The following EML1 variants were observed in gnomAD, a reference collection of about 807,000 sequenced individuals.
The protein encoded by EML1 is EMAP like 1, also known as echinoderm microtubule-associated protein-like 1.
In EML1, 27 loss-of-function variants were observed where a neutral mutation model predicts 110.4. That is an observed-to-expected ratio of 0.24 (90% CI 0.18 to 0.34). The LOEUF is 0.34. Among genes scored for constraint, EML1 ranks in the 10% least tolerant of loss-of-function variants. The pLI, the probability that EML1 is intolerant of heterozygous loss-of-function variation, is 1.00. For synonymous variants in EML1, 344 were observed against 385.8 expected (o/e 0.89, Z 1.27); for missense variants, 741 against 1,030.9 (o/e 0.72, Z 3.85).
chr14:99,793,402 G>C, upstream of EML1: 21 of 1,004,298 alleles, frequency 2.1e-5, no homozygotes, highest in Non-Finnish European at 2.3e-5. Flanking sequence ...GGTCGCGGTC[G>C]GGCTCAGCTC....
At chr14:99,847,867 T>C (rs1566895794) in intron 1 of EML1, among the ~76,000 whole-genome samples, 2 of 152,182 alleles carry the variant, frequency 1.3e-5, no homozygotes, top group South Asian at 2.1e-4. Context: ...TCCATTCATA[T>C]ACTTTCAATC....
At chr14:99,931,960 C>T (rs1372943795) in intron 17 of EML1, among the ~76,000 whole-genome samples, 1 of 152,172 alleles carries the variant, frequency 6.6e-6, no homozygotes, top group Non-Finnish European at 1.5e-5. Flanking sequence ...GGCTGGGAGG[C>T]ACCTCCTCTG....
intron 4 of EML1, among the ~76,000 whole-genome samples, chr14:99,885,187 G>T (rs891557635): frequency 6.6e-6 from 1 of 152,218 alleles, no homozygotes. Context: ...ATACGATCAG[G>T]CATCACTTAA....
chr14:99,827,306 G>A lies in EML1; in HGVS notation c.68-23547G>A, dbSNP rs777310150. 5.3e-5 allele frequency among the ~76,000 whole-genome samples: 8 copies of A among 149,688 alleles called. No homozygotes were observed. The highest frequency in any genetic ancestry group is 4.1e-4 in the East Asian group (2 of 4,870). On this transcript the variant is annotated intron_variant, in intron 1 of 21. Transcript: ENST00000262233. The surrounding 1 kb of genome is among the most constrained non-coding windows in gnomAD (Gnocchi z 4.4). ...GAGAGAGGCCTCAGAAGAAACTAGC[G>A]TAACTGGACCTTGCCGGTTTTGAGT...
At chr14:99,743,497 G>A (rs575722060) in intron 1 of EML1, among the ~76,000 whole-genome samples, 2 of 152,266 alleles carry the variant, frequency 1.3e-5, no homozygotes, top group East Asian at 1.9e-4. Context: ...AGTACTGTGC[G>A]ATCCAGGACA....
At chr14:99,826,791 G>A (rs539142711) in intron 1 of EML1, among the ~76,000 whole-genome samples, 1 of 152,262 alleles carries the variant, frequency 6.6e-6, no homozygotes, top group East Asian at 1.9e-4. Flanking sequence ...TGTTATAAAT[G>A]TGATTAAGTC....
At position 99,787,561 on chromosome 14, in the gene EML1, G is replaced by A. The variant is rs147768129; in HGVS notation, c.-27+13548G>A. On this transcript the variant is annotated intron_variant, in intron 1 of 22. Coordinates refer to the EML1 transcript ENST00000327921. ...CCCAAAGTGCTGGTATTCCAGGCGTGAGCCACCACACCCAGATTGACTCTG... is the reference window on the plus strand; with the variant it reads ...CCCAAAGTGCTGGTATTCCAGGCGTAAGCCACCACACCCAGATTGACTCTG... 4.3e-4 allele frequency among the ~76,000 whole-genome samples: 66 copies of A among 152,194 alleles called. No individual in the cohort carries two copies. The South Asian group carries it at 8.1e-3, about 19-fold the overall frequency.
At chr14:99,875,057 T>C in intron 3 of EML1, 1 of 1,493,414 alleles carries the variant, frequency 6.7e-7, no homozygotes, top group Non-Finnish European at 9.3e-7. Context: ...TGTTTTAACG[T>C]AGTAGCTTCA....
chr14:99,783,794 C>A (rs957769340), intron 1 of EML1, among the ~76,000 whole-genome samples: 2 of 152,154 alleles, frequency 1.3e-5, no homozygotes, highest in Middle Eastern at 3.2e-3. Context: ...CAAAGGGGTA[C>A]TATTAATGAG....
chr14:99,889,061 A>G (rs1292656013), intron 4 of EML1, among the ~76,000 whole-genome samples: 1 of 152,198 alleles, frequency 6.6e-6, no homozygotes, highest in Non-Finnish European at 1.5e-5. Context: ...GAAAGCCGAG[A>G]GACGTTCTCC....
At chr14:99,802,634 GC>G (rs2057902339) in intron 1 of EML1, among the ~76,000 whole-genome samples, 1 of 152,132 alleles carries the variant, frequency 6.6e-6, no homozygotes, top group South Asian at 2.1e-4. Context: ...AGGCCAGGGG[GC>G]CTGTGCAGAG....
At chr14:99,738,853 C>T (rs1399895306) in intron 1 of EML1, among the ~76,000 whole-genome samples, 2 of 152,134 alleles carry the variant, frequency 1.3e-5, no homozygotes, top group South Asian at 4.1e-4. Context: ...TCCAGCAGGG[C>T]CTCCTTCGTA....
At chr14:99,761,609 C>T (rs2057314596) in intron 1 of EML1, among the ~76,000 whole-genome samples, 1 of 152,084 alleles carries the variant, frequency 6.6e-6, no homozygotes, top group South Asian at 2.1e-4. Flanking sequence ...TCAAAATGAT[C>T]TCCCCTGGGC....
chr14:99,865,578 G>T lies in EML1; in HGVS notation c.315G>T (p.Lys105Asn). 6.2e-7 allele frequency: 1 copy of T among 1,614,210 alleles called. No individual in the cohort carries two copies. ...TTVNNGTVLP[K>N]KPTGSLPSPS... ...TCAACAATGGCACTGTGTTACCAAAGAAACCTACTGGCTCTCTACCATCCC... is the reference window on the plus strand; with the variant it reads ...TCAACAATGGCACTGTGTTACCAAATAAACCTACTGGCTCTCTACCATCCC... The change falls in exon 3 of 22, where the codon AAG becomes AAT. Residue 105 changes from lysine (K) to asparagine (N), a missense_variant. Lys to Asn is a moderately conservative substitution (Grantham distance 94, BLOSUM62 0). This residue lies in a region of EML1 where 226 missense variants were observed against 255.6 expected (regional missense o/e 0.88). Transcript: ENST00000262233.
intron 1 of EML1, among the ~76,000 whole-genome samples, chr14:99,749,121 C>T (rs2057146682): frequency 6.6e-6 from 1 of 152,236 alleles, no homozygotes; most frequent in Admixed American, 6.5e-5. Flanking sequence ...GCTATGAACA[C>T]TCGTGTACCA....
At chr14:99,798,377 A>G (rs1371720662) in intron 1 of EML1, among the ~76,000 whole-genome samples, 1 of 146,506 alleles carries the variant, frequency 6.8e-6, no homozygotes, top group Non-Finnish European at 1.5e-5. Context: ...CACCTCCCTT[A>G]TTCCAAAGTC....
chr14:99,815,515 T>C (rs2058153145), intron 1 of EML1, among the ~76,000 whole-genome samples: 3 of 152,164 alleles, frequency 2.0e-5, no homozygotes, highest in South Asian at 2.1e-4. Context: ...ATGACTAACA[T>C]TGATTTATTT....
chr14:99,799,884 T>A (rs1167713991), intron 1 of EML1, among the ~76,000 whole-genome samples: 1 of 152,194 alleles, frequency 6.6e-6, no homozygotes, highest in Non-Finnish European at 1.5e-5. Context: ...TCATCATGGA[T>A]AACATTGAAA....
intron 1 of EML1, among the ~76,000 whole-genome samples, chr14:99,741,211 C>A (rs961495879): frequency 6.6e-6 from 1 of 152,186 alleles, no homozygotes; most frequent in Non-Finnish European, 1.5e-5. Context: ...AGGCCTCTAA[C>A]CTGCAGAAGT....
Sources: allele counts gnomAD v4.1 joint callset (sites outside exome capture counted in the v4.1 genomes callset), GRCh38; gene constraint gnomAD v4.1.1; regional missense constraint gnomAD v4.1.1; non-coding constraint Gnocchi (gnomAD v3.1); transcripts MANE v1.5; gene names NCBI Gene and HGNC (gene_info 2026-07-23, HGNC 2026-07-21).